The following OSBPL8 variants were observed in gnomAD, a reference collection of about 807,000 sequenced individuals.
OSBPL8 encodes oxysterol binding protein like 8, also known as oxysterol-binding protein-related protein 8.
In OSBPL8, 59 loss-of-function variants were observed where a neutral mutation model predicts 125.5. The observed-to-expected ratio is 0.47, with a 90% CI of 0.38 to 0.58. The LOEUF (loss-of-function observed/expected upper bound fraction) is 0.58. Among genes scored for constraint, OSBPL8 ranks in the 20% least tolerant of loss-of-function variants. OSBPL8 has a pLI of 0.00. For missense variants in OSBPL8, 758 were observed against 1,047.8 expected (o/e 0.72, Z 3.82); for synonymous variants, 330 against 338.9 (o/e 0.97, Z 0.29).
intron 2 of OSBPL8, among the ~76,000 whole-genome samples, chr12:76,469,988 G>C (rs1024474527): frequency 5.9e-5 from 9 of 152,084 alleles, no homozygotes; most frequent in Admixed American, 5.9e-4. Flanking sequence ...CCATCACTAA[G>C]AATTCCCTCA....
chr12:76,514,724 T>G (rs1881360732), intron 1 of OSBPL8, among the ~76,000 whole-genome samples: 1 of 152,220 alleles, frequency 6.6e-6, no homozygotes, highest in Non-Finnish European at 1.5e-5. Context: ...GAAGTTTTCA[T>G]GGACAATATC....
At chr12:76,497,010 A>C (rs895131162) in intron 1 of OSBPL8, among the ~76,000 whole-genome samples, 6 of 152,194 alleles carry the variant, frequency 3.9e-5, no homozygotes, top group African/African-American at 1.4e-4. Context: ...CAGTATGAAT[A>C]CTGAGGCTTT....
At chr12:76,428,754 G>C (rs536035316) in intron 4 of OSBPL8, among the ~76,000 whole-genome samples, 1 of 152,074 alleles carries the variant, frequency 6.6e-6, no homozygotes, top group Non-Finnish European at 1.5e-5. Flanking sequence ...AAATTCAGCA[G>C]TAAGTTTCCT....
chr12:76,421,744 G>T (rs548041739), intron 4 of OSBPL8, among the ~76,000 whole-genome samples: 1 of 151,904 alleles, frequency 6.6e-6, no homozygotes, highest in Non-Finnish European at 1.5e-5. Context: ...TAATTATATA[G>T]TGTTTAAAAA....
intron 21 of OSBPL8, among the ~76,000 whole-genome samples, chr12:76,361,060 G>GA (rs1301265591): frequency 6.6e-6 from 1 of 152,064 alleles, no homozygotes; most frequent in Admixed American, 6.6e-5. Context: ...AATTTCTCCT[G>GA]AAAAAATGGG....
At chr12:76,465,794 T>TCA (rs1357887814) in intron 2 of OSBPL8, among the ~76,000 whole-genome samples, 4 of 151,976 alleles carry the variant, frequency 2.6e-5, no homozygotes, top group East Asian at 1.9e-4. Flanking sequence ...TCACTTGAGG[T>TCA]CAAGAGTTTG....
At chr12:76,447,152 C>T (rs896168894) in intron 4 of OSBPL8, among the ~76,000 whole-genome samples, 1 of 152,168 alleles carries the variant, frequency 6.6e-6, no homozygotes, top group Non-Finnish European at 1.5e-5. Context: ...AGGATTCAAA[C>T]ATCTTTCAGT....
intron 1 of OSBPL8, among the ~76,000 whole-genome samples, chr12:76,557,659 T>C (rs1251600357): frequency 6.6e-6 from 1 of 151,760 alleles, no homozygotes; most frequent in Non-Finnish European, 1.5e-5. Flanking sequence ...TTTTACAAAT[T>C]CATAATTTCA....
At chr12:76,423,536 A>T (rs1869770959) in intron 4 of OSBPL8, among the ~76,000 whole-genome samples, 13 of 152,190 alleles carry the variant, frequency 8.5e-5, no homozygotes, top group Admixed American at 8.5e-4. Flanking sequence ...TTTTTTTTAA[A>T]AGCAACTTTA....
At chr12:76,525,825 G>A (rs2137294508) in intron 1 of OSBPL8, among the ~76,000 whole-genome samples, 1 of 152,274 alleles carries the variant, frequency 6.6e-6, no homozygotes, top group East Asian at 1.9e-4. Flanking sequence ...GGTAAAAACT[G>A]TAATGTACAA....
At chr12:76,438,131 C>A (rs1871713580) in intron 4 of OSBPL8, among the ~76,000 whole-genome samples, 2 of 151,388 alleles carry the variant, frequency 1.3e-5, no homozygotes, top group South Asian at 4.2e-4. Context: ...GGACTACAGG[C>A]ACGCACCACC....
intron 5 of OSBPL8, 120 bp from the exon 6 acceptor site, chr12:76,402,886 C>A (rs551540118): frequency 1.5e-6 from 1 of 668,030 alleles, no homozygotes; most frequent in Non-Finnish European, 2.5e-6. Flanking sequence ...AAGCAAATGT[C>A]AATTTTCAAT....
intron 4 of OSBPL8, among the ~76,000 whole-genome samples, chr12:76,433,974 CAAAAA>C (rs34241447): frequency 8.5e-5 from 7 of 82,140 alleles, no homozygotes; most frequent in Non-Finnish European, 1.3e-4. Flanking sequence ...GACTCCATCT[CAAAAA>C]AAAAAAAAAA....
At chr12:76,485,193 G>C (rs952234236) in intron 2 of OSBPL8, among the ~76,000 whole-genome samples, 1 of 152,034 alleles carries the variant, frequency 6.6e-6, no homozygotes, top group Non-Finnish European at 1.5e-5. Flanking sequence ...AAAGTGCTGG[G>C]ATTACAGGTG....
chr12:76,393,400 T>C (rs921091820), intron 9 of OSBPL8, among the ~76,000 whole-genome samples: 6 of 152,098 alleles, frequency 3.9e-5, no homozygotes, highest in Non-Finnish European at 8.8e-5. Context: ...TGAAAGCTCA[T>C]ACCTATATTT....
At chr12:76,486,319 T>C (rs1279440538) in intron 2 of OSBPL8, among the ~76,000 whole-genome samples, 1 of 152,188 alleles carries the variant, frequency 6.6e-6, no homozygotes, top group Non-Finnish European at 1.5e-5. Flanking sequence ...AATCTAATAG[T>C]GACTCTCAAT....
chr12:76,358,879 T>C (rs759329919), intron 21 of OSBPL8, 68 bp from the exon 22 acceptor site: 24 of 1,186,214 alleles, frequency 2.0e-5, no homozygotes, highest in South Asian at 3.7e-5. Flanking sequence ...CTGTGTACAA[T>C]TGTCAAAATT....
At chr12:76,402,625 C>T (rs545581508) in intron 6 of OSBPL8, 64 bp downstream of exon 6, 12 of 1,158,522 alleles carry the variant, frequency 1.0e-5, no homozygotes, top group Non-Finnish European at 1.4e-5. Flanking sequence ...TCCTATTAGT[C>T]TACTTCCAAA....
At chr12:76,466,926 T>C (rs1056557875) in intron 2 of OSBPL8, among the ~76,000 whole-genome samples, 11 of 152,010 alleles carry the variant, frequency 7.2e-5, no homozygotes, top group Middle Eastern at 3.4e-3. Context: ...GATTGCACCA[T>C]TGCACTCCAG....
Sources: allele counts gnomAD v4.1 joint callset (sites outside exome capture counted in the v4.1 genomes callset), GRCh38; gene constraint gnomAD v4.1.1; transcripts MANE v1.5; gene names NCBI Gene and HGNC (gene_info 2026-07-23, HGNC 2026-07-21).